The following ST8SIA6 variants were observed in gnomAD, a reference collection of about 807,000 sequenced individuals.
ST8SIA6 encodes ST8 alpha-N-acetyl-neuraminide alpha-2,8-sialyltransferase 6.
ST8SIA6 carries 39 observed loss-of-function variants against 33.6 expected under a neutral mutation model. That is an observed-to-expected ratio of 1.16 (90% CI 0.90 to 1.52). ST8SIA6 has a LOEUF of 1.52. ST8SIA6 is among the 40% of genes most tolerant of loss of function. The pLI, the probability that ST8SIA6 is intolerant of heterozygous loss-of-function variation, is 0.00. For synonymous variants in ST8SIA6, 172 were observed against 167.2 expected, an observed-to-expected ratio of 1.03 and a Z score of -0.22; for missense variants, 441 against 443.8, an observed-to-expected ratio of 0.99 and a Z score of 0.06.
At position 17,320,911 on chromosome 10, in the gene ST8SIA6, G is replaced by A; in HGVS notation, c.1164C>T (p.Leu388=). 1 of 1,614,042 alleles carries A rather than the reference G, an allele frequency of 6.2e-7. No individual in the cohort carries two copies. The highest frequency in any genetic ancestry group is 8.5e-7 in the Non-Finnish European group (1 of 1,179,942). Residue 388 remains leucine, a synonymous_variant, in exon 8 of 8, where the codon CTC becomes CTT. Transcript: ENST00000377602. ...QILQLHMKGI[L]KLQFSKCEVA is the part of the protein sequence containing the mutation. ...CTTCACATTTGCTAAATTGCAGTTT[G>A]AGGATTCCTTTCATGTGAAGTTGGA...
At chr10:17,393,739 T>C (rs1163557932) in intron 2 of ST8SIA6, among the ~76,000 whole-genome samples, 10 of 152,102 alleles carry the variant, frequency 6.6e-5, no homozygotes, top group Non-Finnish European at 5.9e-5. Flanking sequence ...AAGTGAGGGA[T>C]AGGAAGGCAT....
At chr10:17,415,023 C>A (rs1281016300) in intron 2 of ST8SIA6, among the ~76,000 whole-genome samples, 1 of 152,068 alleles carries the variant, frequency 6.6e-6, no homozygotes, top group Non-Finnish European at 1.5e-5. Flanking sequence ...TCTTACATAA[C>A]TAGGGTTATC....
rs1222969195 is a variant in ST8SIA6, at chr10:17,317,287, G to A, written c.*3591C>T. On this transcript the variant is annotated 3_prime_UTR_variant, in exon 8 of 8. Transcript: ENST00000377602. ...AAAAGAAGAATGCTTCTGGAAGAGT[G>A]ATGACCCAAAATAAGAAAGACCATG... Among the ~76,000 whole-genome samples, 1 of 152,078 alleles carries A rather than the reference G, an allele frequency of 6.6e-6. No homozygotes were observed. Among genetic ancestry groups the A allele is most frequent in the African/African-American group, 2.4e-5 (1 of 41,412 alleles).
intron 4 of ST8SIA6, among the ~76,000 whole-genome samples, chr10:17,353,850 C>G (rs3740161): frequency 0.23 from 34,328 of 151,982 alleles, 4,020 homozygotes; most frequent in African/African-American, 0.28. Context: ...TCTTTGAAAC[C>G]TGACGATGTC....
At chr10:17,345,182 G>A (rs1407247074) in intron 4 of ST8SIA6, among the ~76,000 whole-genome samples, 1 of 152,196 alleles carries the variant, frequency 6.6e-6, no homozygotes. Flanking sequence ...GGGTGAGACT[G>A]CAGCACAAAG....
At chr10:17,351,483 A>C (rs1051616816) in intron 4 of ST8SIA6, among the ~76,000 whole-genome samples, 1 of 146,512 alleles carries the variant, frequency 6.8e-6, no homozygotes, top group Non-Finnish European at 1.5e-5. Context: ...TTCCACCATC[A>C]CATACTAGAT....
intron 7 of ST8SIA6, among the ~76,000 whole-genome samples, 179 bp downstream of exon 7, chr10:17,322,886 G>A (rs1283258758): frequency 6.6e-6 from 1 of 152,036 alleles, no homozygotes; most frequent in Non-Finnish European, 1.5e-5. Context: ...ATAACTCTTA[G>A]GAAAAACGAC....
chr10:17,378,910 A>G (rs1044186181), intron 3 of ST8SIA6, among the ~76,000 whole-genome samples: 12 of 152,150 alleles, frequency 7.9e-5, no homozygotes, highest in African/African-American at 2.9e-4. Flanking sequence ...GCGGATCATG[A>G]GGTCAGGAGA....
chr10:17,317,743 C>A lies in ST8SIA6; in HGVS notation c.*3135G>T, dbSNP rs1191009011. ...AAGCAAGGAAAAATTTAGGCAAACACAGGTCTGATTTGCTGCTTAATTCTG... is the reference window on the plus strand; with the variant it reads ...AAGCAAGGAAAAATTTAGGCAAACAAAGGTCTGATTTGCTGCTTAATTCTG... On this transcript the variant is annotated 3_prime_UTR_variant, in exon 8 of 8. Transcript: ENST00000377602. Among the ~76,000 whole-genome samples, 1 of 152,154 alleles carries A rather than the reference C, an allele frequency of 6.6e-6. No homozygotes were observed. Among genetic ancestry groups the A allele is most frequent in the Non-Finnish European group, 1.5e-5 (1 of 68,024 alleles).
intron 2 of ST8SIA6, among the ~76,000 whole-genome samples, chr10:17,452,097 A>C (rs1852933992): frequency 6.6e-6 from 1 of 152,240 alleles, no homozygotes; most frequent in East Asian, 1.9e-4. Context: ...GAAAAGATGG[A>C]ATGCTTCTCA....
intron 4 of ST8SIA6, among the ~76,000 whole-genome samples, chr10:17,348,188 AT>A (rs1848910271): frequency 6.9e-6 from 1 of 145,804 alleles, no homozygotes; most frequent in African/African-American, 2.5e-5. Flanking sequence ...TCAGTTAGAT[AT>A]TTTTAGGGAA....
chr10:17,386,501 T>C (rs903021299), intron 3 of ST8SIA6, among the ~76,000 whole-genome samples: 1 of 152,162 alleles, frequency 6.6e-6, no homozygotes, highest in Non-Finnish European at 1.5e-5. Context: ...ATCGCACCAC[T>C]GCACTCCAGC....
chr10:17,428,616 G>A (rs1436994820), intron 2 of ST8SIA6, among the ~76,000 whole-genome samples: 2 of 151,972 alleles, frequency 1.3e-5, no homozygotes, highest in Non-Finnish European at 2.9e-5. Flanking sequence ...CCAGGGAGGA[G>A]CTAAGCAGCC....
intron 3 of ST8SIA6, among the ~76,000 whole-genome samples, chr10:17,386,633 C>A (rs762635378): frequency 5.9e-5 from 9 of 152,134 alleles, no homozygotes; most frequent in Non-Finnish European, 1.2e-4. Flanking sequence ...TGGTTCGAAC[C>A]CTGAGAGAAC....
At chr10:17,412,064 A>T (rs1235208990) in intron 2 of ST8SIA6, among the ~76,000 whole-genome samples, 1 of 151,862 alleles carries the variant, frequency 6.6e-6, no homozygotes, top group Non-Finnish European at 1.5e-5. Flanking sequence ...TAGCCTGCCC[A>T]TGCTTGCCCC....
At chr10:17,333,696 TATATATATATATATATATA>T (rs1332431981) in intron 4 of ST8SIA6, among the ~76,000 whole-genome samples, 2 of 24,748 alleles carry the variant, frequency 8.1e-5, no homozygotes, top group African/African-American at 1.8e-4. Flanking sequence ...TATATATATA[TATATATATATATATATATA>T]TATTTTTTTT....
chr10:17,340,955 T>A (rs1193468937), intron 4 of ST8SIA6, among the ~76,000 whole-genome samples: 1 of 152,158 alleles, frequency 6.6e-6, no homozygotes, highest in Non-Finnish European at 1.5e-5. Context: ...CAGGAGTCTG[T>A]GTGTTTGCCT....
chr10:17,425,821 C>T (rs773838682), intron 2 of ST8SIA6, among the ~76,000 whole-genome samples: 3 of 151,752 alleles, frequency 2.0e-5, no homozygotes, highest in African/African-American at 4.8e-5. Flanking sequence ...GGGAGGGAAG[C>T]GGGAAGGTGG....
intron 3 of ST8SIA6, among the ~76,000 whole-genome samples, chr10:17,369,985 A>C (rs1251609119): frequency 6.8e-6 from 1 of 146,620 alleles, no homozygotes; most frequent in Non-Finnish European, 1.5e-5. Flanking sequence ...CAGTGTGACA[A>C]TCACTGACTT....
Sources: allele counts gnomAD v4.1 joint callset (sites outside exome capture counted in the v4.1 genomes callset), GRCh38; gene constraint gnomAD v4.1.1; transcripts MANE v1.5; gene names NCBI Gene and HGNC (gene_info 2026-07-23, HGNC 2026-07-21).